Variants in DISP3 observed in about 807,000 individuals in gnomAD.
The protein encoded by DISP3 is dispatched RND transporter family member 3, also known as protein dispatched homolog 3.
DISP3 carries 101 observed loss-of-function variants against 135.3 expected under a neutral mutation model. The ratio of observed to expected loss-of-function variants is 0.75; its 90% CI spans 0.64 to 0.88. DISP3 has a LOEUF of 0.88. Ranked by LOEUF, DISP3 falls within the 40% of genes least tolerant of loss-of-function variation. DISP3 has a pLI of 0.00. For missense variants in DISP3, 1,713 were observed against 1,878.6 expected (o/e 0.91, Z 1.63); for synonymous variants, 856 against 817.0 (o/e 1.05, Z -0.81).
rs1035657121 is a variant in DISP3 at position 11,499,937 on chromosome 1, A to C, written c.-3-1053A>C. ...TTCCTCCTCTTACCGCCTAGCATCT[A>C]ACTGGATAATGAGTCTCTCTCTGTC... is the stretch of plus-strand genomic sequence containing the variant. On this transcript the variant is annotated intron_variant, in intron 1 of 20. Transcript: ENST00000294484. This position sits in a 1 kb window ranked among gnomAD's most constrained non-coding sequence, Gnocchi z 5.2. Among the ~76,000 whole-genome samples, 1 of 152,258 alleles carries C rather than the reference A, an allele frequency of 6.6e-6. No homozygotes were observed. The highest frequency in any genetic ancestry group is 6.5e-5 in the Admixed American group (1 of 15,290).
chr1:11,496,687 T>A (rs545763923), intron 1 of DISP3, among the ~76,000 whole-genome samples: 1 of 152,348 alleles, frequency 6.6e-6, no homozygotes, highest in African/African-American at 2.4e-5. Flanking sequence ...AGGTGCTGGC[T>A]GAGGCATTCG....
At chr1:11,509,763 C>T (rs1327474424) in intron 3 of DISP3, among the ~76,000 whole-genome samples, 2 of 152,024 alleles carry the variant, frequency 1.3e-5, no homozygotes, top group Non-Finnish European at 2.9e-5. Context: ...TTATCCTATT[C>T]GTGTCCTTAT....
At chr1:11,528,690 G>T (rs890463278) in intron 13 of DISP3, among the ~76,000 whole-genome samples, 27 of 152,166 alleles carry the variant, frequency 1.8e-4, no homozygotes, top group African/African-American at 6.5e-4. Context: ...GGTGATACGC[G>T]GGGACTGTGG....
At chr1:11,497,833 A>C (rs532887934) in intron 1 of DISP3, among the ~76,000 whole-genome samples, 1 of 152,142 alleles carries the variant, frequency 6.6e-6, no homozygotes, top group South Asian at 2.1e-4. Context: ...GAATGCTGTT[A>C]ATTCATTTGT....
intron 10 of DISP3, among the ~76,000 whole-genome samples, chr1:11,521,142 G>A (rs1214676324): frequency 3.3e-5 from 5 of 152,052 alleles, no homozygotes; most frequent in Non-Finnish European, 1.5e-5. Flanking sequence ...GAGCTTTGGC[G>A]GAGGAAGAAT....
At chr1:11,509,839 G>A (rs996466411) in intron 3 of DISP3, among the ~76,000 whole-genome samples, 36 of 152,080 alleles carry the variant, frequency 2.4e-4, no homozygotes, top group African/African-American at 8.2e-4. Flanking sequence ...GGTGGCTCAC[G>A]CCTGTAATCC....
chr1:11,530,265 C>A (rs970652255), intron 15 of DISP3, among the ~76,000 whole-genome samples: 1 of 152,240 alleles, frequency 6.6e-6, no homozygotes, highest in African/African-American at 2.4e-5. Context: ...TTGCCCTCCC[C>A]CTTCCTCTGA....
intron 5 of DISP3, 106 bp from the exon 6 acceptor site, chr1:11,515,895 G>A (rs1641998441): frequency 7.5e-7 from 1 of 1,326,054 alleles, no homozygotes; most frequent in African/African-American, 1.5e-5. Flanking sequence ...GACTCCTGCA[G>A]CCTGACCTCC....
At position 11,520,737 on chromosome 1, in the gene DISP3, C is replaced by T. The variant is rs771271771; in HGVS notation, c.2251C>T (p.Arg751Cys). 7.4e-6 allele frequency: 12 copies of T among 1,613,204 alleles called. No individual in the cohort carries two copies. The highest frequency in any genetic ancestry group is 3.3e-5 in the Admixed American group (2 of 59,990). The change falls in exon 10 of 21, where the codon CGC becomes TGC. Residue 751 changes from arginine to cysteine, a missense_variant. Arg to Cys is a radical substitution (Grantham distance 180). Transcript: ENST00000294484. The surrounding 1 kb of genome is among the most constrained non-coding windows in gnomAD (Gnocchi z 4.8). The stretch of plus-strand genomic sequence containing the variant: ...GTCCCTGGTGTTCGCCAGCCGGCTC[C>T]GCCCCGCCAGCCGGGCCCCGCTACT... ...ILSLVFASRL[R>C]PASRAPLLFR...
At chr1:11,496,190 G>A (rs1405234570) in intron 1 of DISP3, among the ~76,000 whole-genome samples, 1 of 152,122 alleles carries the variant, frequency 6.6e-6, no homozygotes, top group East Asian at 1.9e-4. Context: ...TTGAAAGTGG[G>A]TGAAGTCTTT....
chr1:11,506,582 C>T (rs1463797483), intron 3 of DISP3, among the ~76,000 whole-genome samples: 2 of 152,052 alleles, frequency 1.3e-5, no homozygotes, highest in African/African-American at 2.4e-5. Context: ...CCATTTGAAT[C>T]TCTTATAGAT....
chr1:11,498,962 C>T (rs559952051), intron 1 of DISP3, among the ~76,000 whole-genome samples: 1 of 152,330 alleles, frequency 6.6e-6, no homozygotes, highest in African/African-American at 2.4e-5. Context: ...CTCTCCCTCC[C>T]TTCCCCGCAG....
Position 11,531,450 on chromosome 1 carries a change from T to A in DISP3, c.3230-115T>A, listed in dbSNP as rs1642574601. 6.9e-7 allele frequency: 1 copy of A among 1,457,854 alleles called. No individual in the cohort carries two copies. Among genetic ancestry groups the A allele is most frequent in the African/African-American group, 1.4e-5 (1 of 71,222 alleles). The allele number at this position is 1,457,854 out of a possible 1,614,324, so 90.3% of individuals were successfully genotyped here. Reference sequence around the variant, plus strand: ...GTAGGTTTCCCAATGCCGTTGCCAATGGTTACAAGCACTCTAAGCCTCAGA... The same window carrying A: ...GTAGGTTTCCCAATGCCGTTGCCAAAGGTTACAAGCACTCTAAGCCTCAGA... On this transcript the variant is annotated intron_variant, in intron 16 of 20. Coordinates refer to ENST00000294484, the MANE Select transcript of DISP3 (RefSeq NM_020780.2). The surrounding 1 kb of genome is among the most constrained non-coding windows in gnomAD (Gnocchi z 5.2).
At chr1:11,480,742 G>A (rs1331026610) in intron 1 of DISP3, among the ~76,000 whole-genome samples, 2 of 149,490 alleles carry the variant, frequency 1.3e-5, no homozygotes, top group African/African-American at 5.0e-5. Context: ...CGAAGCATGG[G>A]GATTTAGAGC....
Position 11,535,662 on chromosome 1 carries a change from C to T in DISP3, c.3816+18C>T, listed in dbSNP as rs765997196. 3.7e-6 allele frequency: 6 copies of T among 1,602,850 alleles called. No individual in the cohort carries two copies. Among genetic ancestry groups the T allele is most frequent in the Non-Finnish European group, 5.1e-6 (6 of 1,175,838 alleles). On this transcript the variant is annotated intron_variant, in intron 20 of 20. Transcript: ENST00000294484. Reference sequence around the variant, plus strand: ...AGGCCGAGGTGCGCACCCTGCCCGCCTTACCCACTTCCCACCACATTGGGT... The same window carrying T: ...AGGCCGAGGTGCGCACCCTGCCCGCTTTACCCACTTCCCACCACATTGGGT...
At chr1:11,511,773 C>T (rs929236195) in intron 3 of DISP3, among the ~76,000 whole-genome samples, 4 of 152,220 alleles carry the variant, frequency 2.6e-5, no homozygotes, top group East Asian at 1.9e-4. Flanking sequence ...CCACATTTCC[C>T]TTCCATACTC....
rs35062963 is a variant in DISP3 at position 11,537,387 on chromosome 1, T to TG, written c.*706dup. 0.11 allele frequency: 16,187 copies of TG among 152,406 alleles called. 1,114 individuals carry two copies. The highest frequency in any genetic ancestry group is 0.22 in the East Asian group (1,155 of 5,160). 9.4% of individuals were successfully genotyped at this position (152,406 alleles called of 1,614,324 possible). A position where few individuals can be genotyped will look rare whatever the true frequency, so the allele number is the denominator to read the frequency against. Reference sequence around the variant, plus strand: ...CAAGGGGCCCCTCAAAGGCCCTCTCTGGGGGCTCTGGGGCTCAGCACAGCT... The same window carrying TG: ...CAAGGGGCCCCTCAAAGGCCCTCTCTGGGGGGCTCTGGGGCTCAGCACAGCT... On this transcript the variant is annotated 3_prime_UTR_variant, in exon 21 of 21. Coordinates refer to ENST00000294484, the MANE Select transcript of DISP3 (RefSeq NM_020780.2).
In DISP3 at chr1:11,514,461, T is replaced by A; in HGVS notation, c.1388T>A (p.Met463Lys). Residue 463 changes from methionine (M) to lysine (K), a missense_variant, in exon 4 of 21, where the codon ATG becomes AAG. Physicochemically the swap from Met to Lys is moderately conservative, Grantham distance 95. Transcript: ENST00000294484. ...YEVRRTFNND[M>K]LLAFISSSCI... ...GTGCGCAGGACGTTCAACAATGACATGCTCCTGGCCTTCATCAGCAGCAGC... is the reference window on the plus strand; with the variant it reads ...GTGCGCAGGACGTTCAACAATGACAAGCTCCTGGCCTTCATCAGCAGCAGC... 3.1e-6 allele frequency: 5 copies of A among 1,614,124 alleles called. No individual in the cohort carries two copies. The highest frequency in any genetic ancestry group is 4.2e-6 in the Non-Finnish European group (5 of 1,179,926).
intron 5 of DISP3, 146 bp downstream of exon 5, chr1:11,515,649 A>C: frequency 7.7e-7 from 1 of 1,296,914 alleles, no homozygotes; most frequent in Non-Finnish European, 1.0e-6. Flanking sequence ...CAGGGTTAGA[A>C]TGTGGGTGGT....
Sources: gnomAD v4.1 joint callset for allele counts (sites outside exome capture counted in the v4.1 genomes callset) on GRCh38, gnomAD v4.1.1 for gene constraint, Gnocchi (gnomAD v3.1) non-coding constraint, MANE v1.5 for transcripts, NCBI Gene and HGNC (gene_info 2026-07-23, HGNC 2026-07-21) for gene names.